Variants in TLK2 observed in about 807,000 individuals in gnomAD.
TLK2 encodes the protein serine/threonine-protein kinase tousled-like 2.
In TLK2, 6 loss-of-function variants were observed where a neutral mutation model predicts 117.3. The ratio of observed to expected loss-of-function variants is 0.05; its 90% confidence interval spans 0.03 to 0.10. The LOEUF is 0.10. TLK2 is among the 10% of genes least tolerant of loss of function. The pLI, the probability that TLK2 is intolerant of heterozygous loss-of-function variation, is 1.00. For synonymous variants in TLK2, 257 were observed against 316.7 expected (o/e 0.81, Z 2.00); for missense variants, 299 against 901.2 (o/e 0.33, Z 8.56).
chr17:62,578,102 T>A (rs2080945290), intron 13 of TLK2, among the ~76,000 whole-genome samples: 1 of 152,142 alleles, frequency 6.6e-6, no homozygotes, highest in South Asian at 2.1e-4. Context: ...TACTTAAAGA[T>A]GAGAACCGAA....
rs9911393 is a variant in TLK2 at position 62,544,511 on chromosome 17, C to T, written c.532-7791C>T. Among the ~76,000 whole-genome samples the T allele has an allele frequency of 3.4e-3, 515 of 152,246 alleles. 1 individual carries two copies. The Middle Eastern group carries it at 0.034, about 10-fold the overall frequency. ...AGCTCCCACCAGACCCTTCCCCTGA[C>T]ATATGAGGAGTACAATTCAACATGA... On this transcript the variant is annotated intron_variant, in intron 7 of 21. Coordinates refer to ENST00000346027, the MANE Select transcript of TLK2 (RefSeq NM_006852.6).
intron 6 of TLK2, among the ~76,000 whole-genome samples, chr17:62,535,377 T>G (rs906595213): frequency 6.6e-6 from 1 of 152,236 alleles, no homozygotes; most frequent in African/African-American, 2.4e-5. Flanking sequence ...TTTAGTATAC[T>G]GTGGAACTTG....
At chr17:62,491,855 A>T (rs1380265551) in intron 2 of TLK2, among the ~76,000 whole-genome samples, 1 of 152,214 alleles carries the variant, frequency 6.6e-6, no homozygotes, top group Non-Finnish European at 1.5e-5. Flanking sequence ...AAGCACTGGG[A>T]TTACAGGCGT....
chr17:62,604,027 G>A (rs902518578), intron 19 of TLK2, among the ~76,000 whole-genome samples: 1 of 148,456 alleles, frequency 6.7e-6, no homozygotes, highest in South Asian at 2.1e-4. Context: ...TATTTGAGAC[G>A]GAGTTTCGCT....
chr17:62,478,469 C>T (rs2144229433), upstream of TLK2, among the ~76,000 whole-genome samples: 1 of 150,272 alleles, frequency 6.7e-6, no homozygotes, highest in South Asian at 2.1e-4. Context: ...AAGGCGGCGG[C>T]GGGTCCTCCG....
At chr17:62,548,227 C>CATATATAT (rs760251145) in intron 7 of TLK2, among the ~76,000 whole-genome samples, 42 of 132,174 alleles carry the variant, frequency 3.2e-4, no homozygotes, top group Admixed American at 3.9e-4. Flanking sequence ...ATCATTGGGC[C>CATATATAT]ATATATATAT....
At chr17:62,495,808 G>A (rs2073614071) in intron 2 of TLK2, among the ~76,000 whole-genome samples, 2 of 151,628 alleles carry the variant, frequency 1.3e-5, no homozygotes, top group East Asian at 3.9e-4. Context: ...ATGGGCGCAT[G>A]CTGCCGTGCC....
rs773723235 is a variant in TLK2, at chr17:62,522,196, T to C, written c.154-8T>C. 4 of 1,612,922 alleles carry C rather than the reference T, an allele frequency of 2.5e-6. No individual in the cohort carries two copies. Among genetic ancestry groups the C allele is most frequent in the East Asian group, 4.5e-5 (2 of 44,826 alleles). On this transcript the variant is annotated splice_polypyrimidine_tract_variant and splice_region_variant and intron_variant, in intron 3 of 21. Coordinates refer to ENST00000346027, the MANE Select transcript of TLK2 (RefSeq NM_006852.6). ...AATGCTAATTGTGACTTATATGGTA[T>C]TTGACAGACTCCCGAGAAAAAGCAG...
At chr17:62,472,270 G>A (rs1045642061) in intron 1 of TLK2, among the ~76,000 whole-genome samples, 2 of 152,076 alleles carry the variant, frequency 1.3e-5, no homozygotes, top group Non-Finnish European at 2.9e-5. Context: ...CCTAGGGGTC[G>A]TGAAGAGGAA....
intron 6 of TLK2, among the ~76,000 whole-genome samples, chr17:62,533,312 A>G (rs941975843): frequency 6.7e-6 from 1 of 150,374 alleles, no homozygotes; most frequent in Non-Finnish European, 1.5e-5. Context: ...TTCCTTTATG[A>G]CTTATGGGAT....
rs528918370 is a variant in TLK2 at position 62,540,029 on chromosome 17, TCTCCTC to T, written c.531+3708_531+3713del. 2.3e-3 allele frequency among the ~76,000 whole-genome samples: 341 copies of T among 151,040 alleles called. 1 individual carries two copies. Among genetic ancestry groups the T allele is most frequent in the Middle Eastern group, 0.01 (3 of 290 alleles). On this transcript the variant is annotated intron_variant, in intron 7 of 21. Coordinates refer to ENST00000346027, the MANE Select transcript of TLK2 (RefSeq NM_006852.6). ...AACCCATTTCTCCTACAGCTGCCTT[TCTCCTC>T]CTCCTCCTCCTCCTCTTCCTCTTCT...
At chr17:62,535,695 G>A (rs897961852) in intron 6 of TLK2, among the ~76,000 whole-genome samples, 5 of 151,920 alleles carry the variant, frequency 3.3e-5, no homozygotes, top group African/African-American at 1.2e-4. Flanking sequence ...CTTGAACCCA[G>A]GAGACAGAGG....
intron 7 of TLK2, chr17:62,551,539 A>C (rs2146190143): frequency 6.6e-6 from 1 of 152,390 alleles, no homozygotes; most frequent in African/African-American, 2.4e-5. Flanking sequence ...CCCTGTCTCC[A>C]CTAAACATAC....
chr17:62,543,851 G>GT (rs929869364), intron 7 of TLK2, among the ~76,000 whole-genome samples: 1 of 151,828 alleles, frequency 6.6e-6, no homozygotes, highest in Non-Finnish European at 1.5e-5. Flanking sequence ...CAATTTATCT[G>GT]TTTTTTTTCT....
At chr17:62,578,806 G>A (rs958114234) in intron 14 of TLK2, among the ~76,000 whole-genome samples, 3 of 152,102 alleles carry the variant, frequency 2.0e-5, no homozygotes, top group Admixed American at 6.5e-5. Flanking sequence ...TATACATATA[G>A]CATTTTTACA....
chr17:62,489,786 C>G (rs1756801848), intron 2 of TLK2, among the ~76,000 whole-genome samples: 1 of 152,188 alleles, frequency 6.6e-6, no homozygotes, highest in Admixed American at 6.6e-5. Context: ...ACGTTATTAA[C>G]TAAAGTCCAT....
intron 7 of TLK2, among the ~76,000 whole-genome samples, chr17:62,541,689 A>G (rs1014552580): frequency 2.7e-4 from 41 of 152,230 alleles, no homozygotes; most frequent in Non-Finnish European, 4.7e-4. Flanking sequence ...CAATCATAGC[A>G]TTATAGCATA....
intron 13 of TLK2, among the ~76,000 whole-genome samples, chr17:62,577,612 C>T (rs1463331611): frequency 6.6e-6 from 1 of 152,180 alleles, no homozygotes; most frequent in East Asian, 1.9e-4. Context: ...TTCAGAAGCC[C>T]ATACATTGGT....
At chr17:62,488,631 T>C (rs965210076) in intron 2 of TLK2, among the ~76,000 whole-genome samples, 9 of 152,166 alleles carry the variant, frequency 5.9e-5, no homozygotes, top group African/African-American at 2.2e-4. Context: ...TGAAGTGTTT[T>C]TCTGCCCCCA....
Sources: gnomAD v4.1 joint callset for allele counts (sites outside exome capture counted in the v4.1 genomes callset) on GRCh38, gnomAD v4.1.1 for gene constraint, MANE v1.5 for transcripts, NCBI Gene and HGNC (gene_info 2026-07-23, HGNC 2026-07-21) for gene names.